ASB2: variants seen among roughly 807,000 people sequenced by gnomAD.
The protein encoded by ASB2 is ankyrin repeat and SOCS box containing 2.
ASB2 carries 58 observed loss-of-function variants against 62.4 expected under a neutral mutation model. The observed-to-expected ratio is 0.93, with a 90% CI of 0.75 to 1.16. The LOEUF (loss-of-function observed/expected upper bound fraction) is 1.16. Ranked by LOEUF, ASB2 falls within the 50% of genes most tolerant of loss-of-function variation. The pLI, the probability that ASB2 is intolerant of heterozygous loss-of-function variation, is 0.00. For synonymous variants in ASB2, 386 were observed against 385.3 expected (o/e 1.00, Z -0.02); for missense variants, 928 against 887.9 (o/e 1.05, Z -0.57).
rs146056951 is a variant in ASB2, at chr14:93,951,045, G to A, written c.834C>T (p.Ala278=). The A allele has an allele frequency of 8.7e-6, 14 of 1,614,000 alleles. 1 individual carries two copies. The East Asian group carries it at 1.1e-4, about 13-fold the overall frequency. ...AGGCCTCCAACTGTCCACTCTGGGCGGCCACGAACAAGGGGGTGATGCCGT... is the reference window on the plus strand; with the variant it reads ...AGGCCTCCAACTGTCCACTCTGGGCAGCCACGAACAAGGGGGTGATGCCGT... ...NAYGITPLFV[A]AQSGQLEALR... is the part of the protein sequence containing the mutation. Residue 278 remains alanine, a synonymous_variant, in exon 6 of 10, where the codon GCC becomes GCT. Coordinates refer to ENST00000555019, the MANE Select transcript of ASB2 (RefSeq NM_001202429.2).
At chr14:93,952,059 T>A (rs902434547) in intron 5 of ASB2, among the ~76,000 whole-genome samples, 1 of 151,192 alleles carries the variant, frequency 6.6e-6, no homozygotes, top group South Asian at 2.1e-4. Context: ...GGAGGAGGAG[T>A]GAGGAATGGG....
intron 1 of ASB2, among the ~76,000 whole-genome samples, chr14:93,966,274 TG>T (rs1889588962): frequency 6.6e-6 from 1 of 152,240 alleles, no homozygotes; most frequent in African/African-American, 2.4e-5. Context: ...CCCTGTCCCA[TG>T]GATGAGTCAT....
chr14:93,953,536 T>C, intron 4 of ASB2, 29 bp from the exon 5 acceptor site: 1 of 1,553,542 alleles, frequency 6.4e-7, no homozygotes, highest in Non-Finnish European at 8.8e-7. Flanking sequence ...GAAATTCATG[T>C]AGGAGAAAGA....
rs781537241 is a variant in ASB2, at chr14:93,951,228, G to A, written c.651C>T (p.Asn217=). Residue 217 remains asparagine (N), a synonymous_variant, in exon 6 of 10, where the codon AAC becomes AAT. Coordinates refer to ENST00000555019, the MANE Select transcript of ASB2 (RefSeq NM_001202429.2). The stretch of plus-strand genomic sequence containing the variant: ...GCACCAGAATCTTCACGGCCTCCGC[G>A]TTCTTGCGCTCGCAGGCTGTGCTCA... The part of the protein sequence containing the change: ...TPLYKACERK[N]AEAVKILVQH... The A allele has an allele frequency of 3.5e-5, 56 of 1,603,650 alleles. No homozygotes were observed. The highest frequency in any genetic ancestry group is 5.3e-5 in the African/African-American group (4 of 74,878).
At position 93,953,458 on chromosome 14, in the gene ASB2, A is replaced by G. The variant is rs778839409; in HGVS notation, c.528T>C (p.Val176=). 2 of 1,608,274 alleles carry G rather than the reference A, an allele frequency of 1.2e-6. No individual in the cohort carries two copies. Among genetic ancestry groups the G allele is most frequent in the Non-Finnish European group, 1.7e-6 (2 of 1,175,446 alleles). The part of the protein sequence containing the change: ...DQRTLQEETA[V]YLATCRGHLD... ...GGTGGCCCCTGCACGTTGCCAAGTA[A>G]ACGGCTGTTTCCTCCTGCAGGGTGC... The change falls in exon 5 of 10, where the codon GTT becomes GTC. Residue 176 remains valine (V), a synonymous_variant. Transcript: ENST00000555019.
At chr14:93,972,803 G>T (rs562388494) in intron 1 of ASB2, among the ~76,000 whole-genome samples, 1 of 152,358 alleles carries the variant, frequency 6.6e-6, no homozygotes, top group South Asian at 2.1e-4. Flanking sequence ...GGCCATGGGG[G>T]CAGTGCTCTC....
intron 1 of ASB2, among the ~76,000 whole-genome samples, chr14:93,965,895 C>T (rs1277561571): frequency 6.6e-6 from 1 of 152,262 alleles, no homozygotes. Context: ...GAGCTTCCCA[C>T]TGGAGCTTGC....
chr14:93,937,808 C>G lies in ASB2; in HGVS notation c.1661G>C (p.Gly554Ala), dbSNP rs1225483337. 6.2e-7 allele frequency: 1 copy of G among 1,610,756 alleles called. No individual in the cohort carries two copies. Among genetic ancestry groups the G allele is most frequent in the Non-Finnish European group, 8.5e-7 (1 of 1,177,212 alleles). The change falls in exon 9 of 10, where the codon GGG becomes GCG. Residue 554 changes from glycine to alanine, a missense_variant. By Grantham distance (60) the Gly-to-Ala change is moderately conservative (BLOSUM62 0). Transcript: ENST00000555019. ...GTCCAGGAGGACATCGATGATGGGC[C>G]CCGCCCAGCGGCTCACCTCTGGGGC... ...VSAPEVSRWA[G>A]PIIDVLLDYV...
intron 1 of ASB2, among the ~76,000 whole-genome samples, chr14:93,971,429 C>A (rs1005600089): frequency 1.1e-4 from 16 of 152,246 alleles, no homozygotes; most frequent in Admixed American, 2.0e-4. Context: ...GCTTGAATTT[C>A]TGCACGAGGT....
chr14:93,938,809 G>A (rs191266412), intron 8 of ASB2, among the ~76,000 whole-genome samples: 22 of 152,268 alleles, frequency 1.4e-4, no homozygotes, highest in East Asian at 1.4e-3. Flanking sequence ...AAGTTCTGCG[G>A]CCTCTTAAGT....
chr14:93,953,243 A>G (rs1474311664), intron 5 of ASB2, 109 bp downstream of exon 5: 8 of 983,728 alleles, frequency 8.1e-6, no homozygotes. Flanking sequence ...TGTGCATTTG[A>G]GCAGGGCCAC....
chr14:93,975,039 C>T (rs1889873611), intron 1 of ASB2, among the ~76,000 whole-genome samples: 1 of 152,244 alleles, frequency 6.6e-6, no homozygotes, highest in Admixed American at 6.5e-5. Flanking sequence ...GGGCCTGCCA[C>T]CAGCTGTCAG....
Position 93,964,624 on chromosome 14 carries a change from C to T in ASB2, c.-73-12G>A. Reference sequence around the variant, plus strand: ...CAAATCAGAAAACCCTGTGAGGAAACCAAAACCATCCTGGTCACGAACAGT... The same window carrying T: ...CAAATCAGAAAACCCTGTGAGGAAATCAAAACCATCCTGGTCACGAACAGT... On this transcript the variant is annotated splice_polypyrimidine_tract_variant and intron_variant, in intron 1 of 9. Transcript: ENST00000555019. 1.6e-6 allele frequency: 2 copies of T among 1,243,772 alleles called. No individual in the cohort carries two copies. Among genetic ancestry groups the T allele is most frequent in the African/African-American group, 1.5e-5 (1 of 67,466 alleles). 77.0% of individuals were successfully genotyped at this position (1,243,772 alleles called of 1,614,324 possible). A position where few individuals can be genotyped will look rare whatever the true frequency, so the allele number is the denominator to read the frequency against.
intron 5 of ASB2, 60 bp downstream of exon 5, chr14:93,953,292 T>C: frequency 6.9e-7 from 1 of 1,450,178 alleles, no homozygotes; most frequent in Admixed American, 2.1e-5. Flanking sequence ...ACATTCCCTG[T>C]TGCTCACCCA....
At chr14:93,965,549 C>CT (rs1889563312) in intron 1 of ASB2, among the ~76,000 whole-genome samples, 1 of 152,172 alleles carries the variant, frequency 6.6e-6, no homozygotes, top group Non-Finnish European at 1.5e-5. Flanking sequence ...GGTGCCAATG[C>CT]TTTAAGAATA....
At position 93,944,959 on chromosome 14, in the gene ASB2, C is replaced by T. The variant is rs1437334483; in HGVS notation, c.1052+2390G>A. Among the ~76,000 whole-genome samples, 9 of 152,210 alleles carry T rather than the reference C, an allele frequency of 5.9e-5. 1 individual carries two copies. In the South Asian group the frequency reaches 1.7e-3, roughly 28 times the overall value. ...AGCCCAGATGAAGGTCCCAGCCCTG[C>T]CGCTATCTCAAAAATCACTTCCATA... On this transcript the variant is annotated intron_variant, in intron 7 of 9. Coordinates refer to ENST00000555019, the MANE Select transcript of ASB2 (RefSeq NM_001202429.2).
rs528083197 is a variant in ASB2, at chr14:93,934,306, C to A, written c.*350G>T. On this transcript the variant is annotated 3_prime_UTR_variant, in exon 10 of 10. Transcript: ENST00000555019. ...AAGTCAAGTGGTGAGTTTTCCAGAA[C>A]AAGTGGAGGGGCACAGGGAAGGCTC... is the stretch of plus-strand genomic sequence containing the variant. 2 of 464,582 alleles carry A rather than the reference C, an allele frequency of 4.3e-6. No homozygotes were observed. The highest frequency in any genetic ancestry group is 2.4e-5 in the Admixed American group (1 of 40,970). 28.8% of individuals were successfully genotyped at this position (464,582 alleles called of 1,614,324 possible). A position where few individuals can be genotyped will look rare whatever the true frequency, so the allele number is the denominator to read the frequency against.
At chr14:93,956,055 C>G (rs907103622) in intron 3 of ASB2, among the ~76,000 whole-genome samples, 1 of 152,212 alleles carries the variant, frequency 6.6e-6, no homozygotes, top group Admixed American at 6.5e-5. Flanking sequence ...ATTGCCTCCT[C>G]CCTTCTCTAC....
chr14:93,934,750 CG>C lies in ASB2; in HGVS notation c.1813del (p.Arg605GlufsTer9). 6.2e-7 allele frequency: 1 copy of C among 1,613,660 alleles called. No homozygotes were observed. On this transcript the variant is annotated frameshift_variant, in exon 10 of 10. Coordinates refer to ENST00000555019, the MANE Select transcript of ASB2 (RefSeq NM_001202429.2). LOFTEE classifies it high-confidence loss of function. ...TATACGGTATTTCCCAATGGCCTTTCGAACCCGCAGTCGGCAAAGGTGAGCC... is the reference window on the plus strand; with the variant it reads ...TATACGGTATTTCCCAATGGCCTTTCAACCCGCAGTCGGCAAAGGTGAGCC... ...PLAHLCRLRV[R>X]KAIGKYRIKL...
Sources: allele counts gnomAD v4.1 joint callset (sites outside exome capture counted in the v4.1 genomes callset), GRCh38; gene constraint gnomAD v4.1.1; transcripts MANE v1.5; gene names NCBI Gene and HGNC (gene_info 2026-07-23, HGNC 2026-07-21).